The following KLHL14 variants were observed in gnomAD, a reference collection of about 807,000 sequenced individuals.
KLHL14 encodes the protein kelch-like protein 14.
A neutral mutation model predicts 64.3 loss-of-function variants in KLHL14; 22 were observed. The observed-to-expected ratio is 0.34, with a 90% CI of 0.24 to 0.49. The LOEUF (loss-of-function observed/expected upper bound fraction) is 0.49, where lower values mean the gene tolerates loss of function less well. Among genes scored for constraint, KLHL14 ranks in the 20% least tolerant of loss-of-function variants. The pLI, the probability that KLHL14 is intolerant of heterozygous loss-of-function variation, is 0.99. For synonymous variants in KLHL14, 322 were observed against 333.4 expected (o/e 0.97, Z 0.37); for missense variants, 661 against 789.0 (o/e 0.84, Z 1.94).
intron 3 of KLHL14, among the ~76,000 whole-genome samples, chr18:32,726,093 A>G (rs976021884): frequency 6.6e-6 from 1 of 152,248 alleles, no homozygotes; most frequent in Admixed American, 6.5e-5. Context: ...TGCAAGGGTT[A>G]GCAAATACGG....
chr18:32,693,510 A>G (rs1476150813), intron 4 of KLHL14, among the ~76,000 whole-genome samples: 3 of 152,104 alleles, frequency 2.0e-5, no homozygotes, highest in Admixed American at 2.0e-4. Flanking sequence ...TTAAAGTTAT[A>G]CTAAAATTTA....
At chr18:32,762,945 G>A (rs1404283088) in intron 2 of KLHL14, among the ~76,000 whole-genome samples, 1 of 152,018 alleles carries the variant, frequency 6.6e-6, no homozygotes, top group South Asian at 2.1e-4. Context: ...AAATATACAG[G>A]TATTTTTATA....
intron 2 of KLHL14, among the ~76,000 whole-genome samples, chr18:32,747,922 T>G (rs1282855478): frequency 6.6e-6 from 1 of 152,242 alleles, no homozygotes; most frequent in Non-Finnish European, 1.5e-5. Context: ...CCTCTACTGA[T>G]TTAGACACTT....
chr18:32,743,898 G>A (rs1361910618), intron 2 of KLHL14: 1 of 152,060 alleles, frequency 6.6e-6, no homozygotes, highest in Non-Finnish European at 1.5e-5. Context: ...GTAGTTTTTA[G>A]CCCAAATAAC....
rs570910247 is a variant in KLHL14, at chr18:32,742,062, C to A, written c.948-13G>T. 2.5e-5 allele frequency: 40 copies of A among 1,611,242 alleles called. No individual in the cohort carries two copies. In the African/African-American group the frequency reaches 4.8e-4, roughly 19 times the overall value. ...GTTAGAGCGAATTCTTCACCCAAAA[C>A]AAAAGAGGAGATGAATAACCACATT... On this transcript the variant is annotated splice_polypyrimidine_tract_variant and intron_variant, in intron 2 of 8. Transcript: ENST00000359358.
chr18:32,723,451 G>A (rs1293426637), intron 3 of KLHL14, among the ~76,000 whole-genome samples: 1 of 152,144 alleles, frequency 6.6e-6, no homozygotes, highest in Non-Finnish European at 1.5e-5. Context: ...GGAGGTAGGA[G>A]AGGAAGGTCA....
chr18:32,725,858 T>C (rs931787748), intron 3 of KLHL14, among the ~76,000 whole-genome samples: 7 of 152,254 alleles, frequency 4.6e-5, no homozygotes, highest in African/African-American at 1.7e-4. Flanking sequence ...TGCTTCTTAG[T>C]CATGGTGTCA....
intron 4 of KLHL14, among the ~76,000 whole-genome samples, chr18:32,689,598 A>G (rs1266724070): frequency 6.6e-6 from 1 of 152,168 alleles, no homozygotes; most frequent in Non-Finnish European, 1.5e-5. Flanking sequence ...GGACTTTTGC[A>G]ATAGAAAGAA....
chr18:32,682,554 C>G (rs2049846481), intron 5 of KLHL14, among the ~76,000 whole-genome samples: 1 of 152,056 alleles, frequency 6.6e-6, no homozygotes, highest in Non-Finnish European at 1.5e-5. Flanking sequence ...ATGTGATCAT[C>G]AAAGGGATTT....
intron 1 of KLHL14, among the ~76,000 whole-genome samples, chr18:32,771,561 CG>C (rs1482680547): frequency 1.3e-5 from 2 of 152,074 alleles, no homozygotes; most frequent in Non-Finnish European, 2.9e-5. Context: ...TTTCAAAGCG[CG>C]GAAGTTCAGG....
intron 2 of KLHL14, among the ~76,000 whole-genome samples, chr18:32,747,902 C>T (rs2050231694): frequency 6.6e-6 from 1 of 152,134 alleles, no homozygotes; most frequent in Admixed American, 6.5e-5. Context: ...TATTTTTTAA[C>T]ATTTTTTGTC....
chr18:32,747,031 G>C (rs905945319), intron 2 of KLHL14, among the ~76,000 whole-genome samples: 2 of 152,162 alleles, frequency 1.3e-5, no homozygotes, highest in Non-Finnish European at 2.9e-5. Context: ...AAATCCTTCT[G>C]ATAGTTTTTT....
At chr18:32,758,988 T>C (rs1598579154) in intron 2 of KLHL14, among the ~76,000 whole-genome samples, 1 of 152,188 alleles carries the variant, frequency 6.6e-6, no homozygotes, top group Non-Finnish European at 1.5e-5. Flanking sequence ...AGATATGGGT[T>C]TTTGGGGGAG....
Position 32,712,286 on chromosome 18 carries a change from T to G in KLHL14, c.1070-16734A>C, listed in dbSNP as rs377133986. On this transcript the variant is annotated intron_variant, in intron 3 of 8. Transcript: ENST00000359358. ...CCTCAACTCTCTAACATCTGCTCCCTGATTTACTTTTAGCTGATAACCTTG... is the reference window on the plus strand; with the variant it reads ...CCTCAACTCTCTAACATCTGCTCCCGGATTTACTTTTAGCTGATAACCTTG... Among the ~76,000 whole-genome samples, 5 of 152,348 alleles carry G rather than the reference T, an allele frequency of 3.3e-5. No individual in the cohort carries two copies. The East Asian group carries it at 5.8e-4, about 18-fold the overall frequency.
intron 2 of KLHL14, among the ~76,000 whole-genome samples, chr18:32,748,718 G>A (rs1415282524): frequency 6.7e-6 from 1 of 149,152 alleles, no homozygotes; most frequent in Non-Finnish European, 1.5e-5. Context: ...TCTGCCTCCT[G>A]ACCTCAAGTG....
intron 3 of KLHL14, among the ~76,000 whole-genome samples, chr18:32,703,899 A>G (rs1013925410): frequency 6.6e-6 from 1 of 152,096 alleles, no homozygotes; most frequent in African/African-American, 2.4e-5. Flanking sequence ...TTCAAAGGTT[A>G]GTTTTTTTTT....
At chr18:32,769,461 G>T (rs971656261) in intron 2 of KLHL14, among the ~76,000 whole-genome samples, 184 bp downstream of exon 2, 14 of 152,192 alleles carry the variant, frequency 9.2e-5, no homozygotes, top group Admixed American at 2.6e-4. Context: ...GTTCCCTATT[G>T]ACCTTTCAGG....
At chr18:32,765,642 G>A (rs780222699) in intron 2 of KLHL14, among the ~76,000 whole-genome samples, 12 of 152,098 alleles carry the variant, frequency 7.9e-5, no homozygotes, top group Non-Finnish European at 1.5e-4. Context: ...AGTTTGCTTT[G>A]TTAAGGTTAT....
chr18:32,753,430 C>G (rs1394651959), intron 2 of KLHL14, among the ~76,000 whole-genome samples: 1 of 152,086 alleles, frequency 6.6e-6, no homozygotes, highest in Non-Finnish European at 1.5e-5. Context: ...TCATCCCGCC[C>G]CTGTGGCTCA....
Sources: allele counts gnomAD v4.1 joint callset (sites outside exome capture counted in the v4.1 genomes callset), GRCh38; gene constraint gnomAD v4.1.1; transcripts MANE v1.5; gene names NCBI Gene and HGNC (gene_info 2026-07-23, HGNC 2026-07-21).